Variants in CNN3 observed in about 807,000 individuals in gnomAD.
CNN3 encodes the protein calponin 3.
A neutral mutation model predicts 39.0 loss-of-function variants in CNN3; 11 were observed. The observed-to-expected ratio is 0.28, with a 90% CI of 0.18 to 0.47. CNN3 has a LOEUF of 0.47. CNN3 is among the 20% of genes least tolerant of loss of function. The pLI, the probability that CNN3 is intolerant of heterozygous loss-of-function variation, is 0.99. For missense variants in CNN3, 266 were observed against 403.4 expected, an observed-to-expected ratio of 0.66 and a Z score of 2.92; for synonymous variants, 101 against 138.3, an observed-to-expected ratio of 0.73 and a Z score of 1.89.
intron 1 of CNN3, among the ~76,000 whole-genome samples, chr1:94,904,705 C>G (rs1425608877): frequency 6.6e-6 from 1 of 152,094 alleles, no homozygotes; most frequent in African/African-American, 2.4e-5. Flanking sequence ...CATGATCACA[C>G]CACTGCACTC....
At chr1:94,919,462 T>C (rs1671384159) in intron 1 of CNN3, among the ~76,000 whole-genome samples, 1 of 152,168 alleles carries the variant, frequency 6.6e-6, no homozygotes, top group African/African-American at 2.4e-5. Flanking sequence ...TTGCTACACA[T>C]GGTATTGATT....
At chr1:94,903,032 ACAC>A in intron 3 of CNN3, 87 bp downstream of exon 3, 17 of 965,306 alleles carry the variant, frequency 1.8e-5, no homozygotes, top group Admixed American at 2.9e-5. Flanking sequence ...AAAAAAAAAA[ACAC>A]AAAACCAAAA....
At chr1:94,899,869 A>G (rs572030266) in intron 5 of CNN3, among the ~76,000 whole-genome samples, 1 of 152,348 alleles carries the variant, frequency 6.6e-6, no homozygotes, top group African/African-American at 2.4e-5. Flanking sequence ...CAACAGAAGT[A>G]ATCCTAGGCC....
At chr1:94,923,593 C>T (rs2101743989) in intron 1 of CNN3, among the ~76,000 whole-genome samples, 1 of 151,772 alleles carries the variant, frequency 6.6e-6, no homozygotes, top group South Asian at 2.1e-4. Context: ...TCTTACCAAT[C>T]AAATGTCTTA....
At chr1:94,900,769 G>A (rs896089779) in intron 5 of CNN3, among the ~76,000 whole-genome samples, 3 of 152,106 alleles carry the variant, frequency 2.0e-5, no homozygotes, top group Admixed American at 6.6e-5. Context: ...ATGAAGAGAA[G>A]GAAAACATCT....
chr1:94,921,594 G>A (rs2101741716), intron 1 of CNN3, among the ~76,000 whole-genome samples: 1 of 150,742 alleles, frequency 6.6e-6, no homozygotes, highest in East Asian at 1.9e-4. Flanking sequence ...CAACCTGGAA[G>A]GGAAACAGGC....
At chr1:94,903,643 A>C (rs891573989) in intron 1 of CNN3, 119 bp from the exon 2 acceptor site, 1 of 1,364,406 alleles carries the variant, frequency 7.3e-7, no homozygotes, top group Non-Finnish European at 1.0e-6. Context: ...GTAGTAAATG[A>C]CACTCAATAG....
chr1:94,901,704 T>C lies in CNN3; in HGVS notation c.466A>G (p.Lys156Glu). The change falls in exon 5 of 7, where the codon AAA becomes GAA. Residue 156 changes from lysine (K) to glutamate (E), a missense_variant. By Grantham distance (56) the Lys-to-Glu change is moderately conservative. Coordinates refer to ENST00000370206, the MANE Select transcript of CNN3 (RefSeq NM_001839.5). ...ATTACACTTTGGCCAGCTTTTAATT[T>C]TCCTTCATCAAAACGTCTTGTTTGT... ...EKQTRRFDEG[K>E]LKAGQSVIGL... 6.2e-7 allele frequency: 1 copy of C among 1,614,078 alleles called. No individual in the cohort carries two copies.
At chr1:94,915,272 C>T (rs926312476) in intron 1 of CNN3, among the ~76,000 whole-genome samples, 2 of 152,104 alleles carry the variant, frequency 1.3e-5, no homozygotes, top group African/African-American at 2.4e-5. Context: ...TGCATGCCAC[C>T]AAATCCTACA....
intron 1 of CNN3, among the ~76,000 whole-genome samples, chr1:94,921,363 C>T (rs1289609414): frequency 6.6e-6 from 1 of 152,066 alleles, no homozygotes; most frequent in African/African-American, 2.4e-5. Context: ...CGACCTCACT[C>T]CAGCCTGGGC....
At chr1:94,914,201 C>CAGG (rs1671228523) in intron 1 of CNN3, among the ~76,000 whole-genome samples, 1 of 152,158 alleles carries the variant, frequency 6.6e-6, no homozygotes, top group African/African-American at 2.4e-5. Context: ...ACCCTTGAGT[C>CAGG]AGGAGCATGG....
At position 94,897,254 on chromosome 1, in the gene CNN3, A is replaced by G. The variant is rs960046754; in HGVS notation, c.*488T>C. On this transcript the variant is annotated 3_prime_UTR_variant, in exon 7 of 7. Transcript: ENST00000370206. ...TTTAAAAATTAGCAAACAATACTGT[A>G]GAAACATTGATATGTAAATTTCTAA... 6.4e-6 allele frequency: 1 copy of G among 156,698 alleles called. No individual in the cohort carries two copies. The highest frequency in any genetic ancestry group is 1.4e-5 in the Non-Finnish European group (1 of 70,486). The allele number at this position is 156,698 out of a possible 1,614,324, so 9.7% of individuals were successfully genotyped here. A position where few individuals can be genotyped will look rare whatever the true frequency, so the allele number is the denominator to read the frequency against.
intron 1 of CNN3, among the ~76,000 whole-genome samples, chr1:94,907,687 T>C (rs12401925): frequency 0.099 from 15,006 of 152,146 alleles, 1,543 homozygotes; most frequent in East Asian, 0.51. Context: ...GGTGAAACCC[T>C]GTCTCTGCTA....
At chr1:94,909,811 CT>C (rs1671110332) in intron 1 of CNN3, among the ~76,000 whole-genome samples, 1 of 151,954 alleles carries the variant, frequency 6.6e-6, no homozygotes, top group Non-Finnish European at 1.5e-5. Context: ...GATTCCTGCG[CT>C]GTTGAATGGT....
intron 1 of CNN3, among the ~76,000 whole-genome samples, chr1:94,913,056 A>G (rs1671204335): frequency 6.6e-6 from 1 of 152,270 alleles, no homozygotes; most frequent in Non-Finnish European, 1.5e-5. Flanking sequence ...CATACTTATT[A>G]AGGAAACTGG....
chr1:94,917,837 G>A (rs893269786), intron 1 of CNN3, among the ~76,000 whole-genome samples: 4 of 152,204 alleles, frequency 2.6e-5, no homozygotes, highest in Non-Finnish European at 5.9e-5. Flanking sequence ...AAAGAGAAGT[G>A]GTTCTCATAA....
chr1:94,903,549 A>G (rs766295584), intron 1 of CNN3, 25 bp from the exon 2 acceptor site: 2 of 1,613,202 alleles, frequency 1.2e-6, no homozygotes, highest in South Asian at 1.1e-5. Flanking sequence ...AACTCACTTT[A>G]GAAGAATTTC....
At chr1:94,913,874 A>G (rs1296866219) in intron 1 of CNN3, among the ~76,000 whole-genome samples, 1 of 152,214 alleles carries the variant, frequency 6.6e-6, no homozygotes, top group Non-Finnish European at 1.5e-5. Flanking sequence ...TTGAGTGCCA[A>G]TGAAGCACAG....
rs757945193 is a variant in CNN3, at chr1:94,901,769, A to G, written c.401T>C (p.Phe134Ser). The change falls in exon 5 of 7, where the codon TTC (phenylalanine) becomes TCC (serine). Residue 134 changes from phenylalanine (F) to serine (S), a missense_variant. Coordinates refer to ENST00000370206, the MANE Select transcript of CNN3 (RefSeq NM_001839.5). ...ALAGLAKTKG[F>S]HTTIDIGVKY... is the part of the protein sequence containing the mutation. ...AACTCCAATGTCAATGGTTGTATGG[A>G]ATCCTTTTGTTTTAGCCTAGACAGA... 2.5e-6 allele frequency: 4 copies of G among 1,613,492 alleles called. No homozygotes were observed. Among genetic ancestry groups the G allele is most frequent in the Non-Finnish European group, 3.4e-6 (4 of 1,179,620 alleles).
Sources: allele counts gnomAD v4.1 joint callset (sites outside exome capture counted in the v4.1 genomes callset), GRCh38; gene constraint gnomAD v4.1.1; transcripts MANE v1.5; gene names NCBI Gene and HGNC (gene_info 2026-07-23, HGNC 2026-07-21).